KANSL1L: variants seen among roughly 807,000 people sequenced by gnomAD.
KANSL1L encodes the protein KAT8 regulatory NSL complex subunit 1 like.
In KANSL1L, 25 loss-of-function variants were observed where a neutral mutation model predicts 108.6. The observed-to-expected ratio is 0.23, with a 90% CI of 0.17 to 0.32. The LOEUF (loss-of-function observed/expected upper bound fraction) is 0.32, where lower values mean the gene tolerates loss of function less well. Among genes scored for constraint, KANSL1L ranks in the 10% least tolerant of loss-of-function variants. The pLI, the probability that KANSL1L is intolerant of heterozygous loss-of-function variation, is 1.00. For synonymous variants in KANSL1L, 405 were observed against 395.1 expected, an observed-to-expected ratio of 1.03 and a Z score of -0.30; for missense variants, 1,137 against 1,125.7, an observed-to-expected ratio of 1.01 and a Z score of -0.14.
chr2:210,107,784 C>T (rs929005082), intron 3 of KANSL1L, among the ~76,000 whole-genome samples: 4 of 151,948 alleles, frequency 2.6e-5, no homozygotes, highest in East Asian at 1.9e-4. Flanking sequence ...TCGCCTGCCT[C>T]GGCCTCCCAA....
At chr2:210,047,821 C>A (rs921914029) in intron 6 of KANSL1L, among the ~76,000 whole-genome samples, 4 of 152,112 alleles carry the variant, frequency 2.6e-5, no homozygotes, top group Admixed American at 2.6e-4. Flanking sequence ...TGCGATCTTT[C>A]TCTAGTGGGG....
chr2:210,057,817 C>G (rs2094369949), intron 6 of KANSL1L, among the ~76,000 whole-genome samples: 1 of 152,200 alleles, frequency 6.6e-6, no homozygotes, highest in South Asian at 2.1e-4. Context: ...ATCACTTCCC[C>G]AATCAATACC....
At chr2:210,050,693 G>GAAAAAAAAAAAAAAA (rs1169870752) in intron 6 of KANSL1L, among the ~76,000 whole-genome samples, 1 of 53,456 alleles carries the variant, frequency 1.9e-5, no homozygotes. Context: ...CATCTCTACA[G>GAAAAAAAAAAAAAAA]AAAAAAAAAA....
intron 5 of KANSL1L, among the ~76,000 whole-genome samples, chr2:210,094,472 T>C (rs928443840): frequency 2.0e-5 from 3 of 152,074 alleles, no homozygotes; most frequent in Admixed American, 6.6e-5. Context: ...AACAAAGGTA[T>C]TGGAAAATAG....
At chr2:210,064,833 A>AC (rs1231334437) in intron 6 of KANSL1L, among the ~76,000 whole-genome samples, 2 of 151,474 alleles carry the variant, frequency 1.3e-5, no homozygotes, top group African/African-American at 4.9e-5. Context: ...AAAAAAAAAA[A>AC]AAAAACACAG....
intron 3 of KANSL1L, among the ~76,000 whole-genome samples, chr2:210,128,305 T>C (rs1216816953): frequency 6.6e-6 from 1 of 152,210 alleles, no homozygotes; most frequent in Non-Finnish European, 1.5e-5. Flanking sequence ...AAGAGATATT[T>C]TTATATCCAT....
chr2:210,155,402 A>G (rs925050137), intron 1 of KANSL1L: 1 of 152,180 alleles, frequency 6.6e-6, no homozygotes, highest in African/African-American at 2.4e-5. Flanking sequence ...ACAGAGTAAG[A>G]CTCTGTCTCA....
At chr2:210,111,146 G>T (rs1339832970) in intron 3 of KANSL1L, among the ~76,000 whole-genome samples, 3 of 150,536 alleles carry the variant, frequency 2.0e-5, no homozygotes, top group Non-Finnish European at 3.0e-5. Flanking sequence ...AATGAATGTG[G>T]ACTCTGAAAA....
chr2:210,091,701 T>A (rs2094694524), intron 5 of KANSL1L, among the ~76,000 whole-genome samples: 1 of 152,228 alleles, frequency 6.6e-6, no homozygotes, highest in Non-Finnish European at 1.5e-5. Context: ...TTATAGACTT[T>A]TTTTAGCCCC....
At chr2:210,102,065 TGTTTTTGTCAG>T (rs757785681) in intron 4 of KANSL1L, among the ~76,000 whole-genome samples, 11 of 152,204 alleles carry the variant, frequency 7.2e-5, no homozygotes, top group Non-Finnish European at 1.5e-4. Flanking sequence ...CCCCATTTCT[TGTTTTTGTCAG>T]GTTTGGCAAA....
intron 2 of KANSL1L, among the ~76,000 whole-genome samples, chr2:210,136,115 A>C (rs1014258125): frequency 1.3e-5 from 2 of 152,212 alleles, no homozygotes; most frequent in Non-Finnish European, 2.9e-5. Flanking sequence ...GGTTCCAAAA[A>C]GGAAGAATAA....
intron 6 of KANSL1L, among the ~76,000 whole-genome samples, chr2:210,064,817 C>CA (rs1168784210): frequency 0.062 from 2,567 of 41,652 alleles, 85 homozygotes; most frequent in African/African-American, 0.13. Context: ...CCTCCCCCAC[C>CA]AAAAAAAAAA....
chr2:210,055,118 C>G (rs1488768554), intron 6 of KANSL1L, among the ~76,000 whole-genome samples: 1 of 152,216 alleles, frequency 6.6e-6, no homozygotes, highest in African/African-American at 2.4e-5. Flanking sequence ...TAGTTACCCC[C>G]ATGCTGCTGT....
intron 3 of KANSL1L, among the ~76,000 whole-genome samples, chr2:210,116,111 A>C (rs1260489764): frequency 6.6e-6 from 1 of 152,194 alleles, no homozygotes; most frequent in Non-Finnish European, 1.5e-5. Context: ...CTGACTGAAG[A>C]AGCCTTGGGC....
chr2:210,119,132 C>T lies in KANSL1L; in HGVS notation c.1230+9899G>A, dbSNP rs1003451127. ...CTGGGAGGCGGAGGTTGCAGTGAGC[C>T]AAGATCGCACCACTGCACTCCAGCC... On this transcript the variant is annotated intron_variant, in intron 3 of 14. Coordinates refer to ENST00000281772, the MANE Select transcript of KANSL1L (RefSeq NM_152519.4). Among the ~76,000 whole-genome samples, 3 of 151,222 alleles carry T rather than the reference C, an allele frequency of 2.0e-5. 1 individual carries two copies. The South Asian group carries it at 6.3e-4, about 32-fold the overall frequency.
At position 210,153,505 on chromosome 2, in the gene KANSL1L, T is replaced by A; in HGVS notation, c.1078A>T (p.Asn360Tyr). 1 of 1,613,832 alleles carries A rather than the reference T, an allele frequency of 6.2e-7. No homozygotes were observed. Among genetic ancestry groups the A allele is most frequent in the East Asian group, 2.2e-5 (1 of 44,878 alleles). The part of the protein sequence containing the change: ...DDLDEYTLRK[N>Y]VAVNCSTEWK... Reference sequence around the variant, plus strand: ...TAATTTTGCACTTACACTGCCACATTTTTTCTAAGGGTATATTCATCCAAA... The same window carrying A: ...TAATTTTGCACTTACACTGCCACATATTTTCTAAGGGTATATTCATCCAAA... Residue 360 changes from asparagine to tyrosine, a missense_variant, in exon 2 of 15, where the codon AAT (asparagine) becomes TAT (tyrosine). Transcript: ENST00000281772.
chr2:210,141,506 A>G (rs1169442187), intron 2 of KANSL1L, among the ~76,000 whole-genome samples: 1 of 152,132 alleles, frequency 6.6e-6, no homozygotes, highest in Non-Finnish European at 1.5e-5. Context: ...AGATGCCAAC[A>G]TGAAGGAAAG....
rs769572308 is a variant in KANSL1L, at chr2:210,027,307, C to CTAAAT, written c.2435_2439dup (p.Gly814IlefsTer2). 1 of 1,611,548 alleles carries CTAAAT rather than the reference C, an allele frequency of 6.2e-7. No individual in the cohort carries two copies. The highest frequency in any genetic ancestry group is 1.1e-5 in the South Asian group (1 of 91,000). ...GAAAGGCAGCTTACCTCTTCTTTGC[C>CTAAAT]TAAATTATATTCATCCAAAGGCTGA... On this transcript the variant is annotated frameshift_variant, in exon 12 of 15. Transcript: ENST00000281772. LOFTEE classifies it high-confidence loss of function.
At chr2:210,041,294 G>C (rs771509956) in intron 7 of KANSL1L, among the ~76,000 whole-genome samples, 3 of 152,116 alleles carry the variant, frequency 2.0e-5, no homozygotes, top group Non-Finnish European at 4.4e-5. Context: ...TTTATTAAGA[G>C]ACACCTAACT....
Sources: allele counts gnomAD v4.1 joint callset (sites outside exome capture counted in the v4.1 genomes callset), GRCh38; gene constraint gnomAD v4.1.1; transcripts MANE v1.5; gene names NCBI Gene and HGNC (gene_info 2026-07-23, HGNC 2026-07-21).